CDCP1: variants seen among roughly 807,000 people sequenced by gnomAD.
CDCP1 encodes CUB domain-containing protein 1.
In CDCP1, 29 loss-of-function variants were observed where a neutral mutation model predicts 60.2. That is an observed-to-expected ratio of 0.48 (90% CI 0.36 to 0.66). The LOEUF is 0.66. Among genes scored for constraint, CDCP1 ranks in the 30% least tolerant of loss-of-function variants. The pLI is 0.00. For synonymous variants in CDCP1, 387 were observed against 431.1 expected, an observed-to-expected ratio of 0.90 and a Z score of 1.27; for missense variants, 876 against 1,074.3, an observed-to-expected ratio of 0.82 and a Z score of 2.58.
At chr3:45,126,401 G>A (rs1170549487) in intron 1 of CDCP1, among the ~76,000 whole-genome samples, 1 of 152,004 alleles carries the variant, frequency 6.6e-6, no homozygotes, top group African/African-American at 2.4e-5. Flanking sequence ...TGCTGTGGGA[G>A]GGGTGGGGGT....
At chr3:45,134,157 T>G (rs1426006890) in intron 1 of CDCP1, among the ~76,000 whole-genome samples, 1 of 151,918 alleles carries the variant, frequency 6.6e-6, no homozygotes, top group Non-Finnish European at 1.5e-5. Flanking sequence ...TCTTTTTTTT[T>G]TTTTGAGATG....
intron 2 of CDCP1, among the ~76,000 whole-genome samples, 164 bp from the exon 3 acceptor site, chr3:45,112,609 C>T (rs1698718991): frequency 6.6e-6 from 1 of 152,238 alleles, no homozygotes; most frequent in African/African-American, 2.4e-5. Flanking sequence ...GTCTTAGTGG[C>T]CAATGGCTCA....
intron 8 of CDCP1, among the ~76,000 whole-genome samples, chr3:45,087,510 G>A (rs1698215446): frequency 6.6e-6 from 1 of 152,184 alleles, no homozygotes; most frequent in South Asian, 2.1e-4. Context: ...GCTATTCCGT[G>A]CACCGCAGAT....
intron 5 of CDCP1, among the ~76,000 whole-genome samples, chr3:45,094,810 A>G (rs147544768): frequency 6.6e-6 from 1 of 152,202 alleles, no homozygotes; most frequent in Non-Finnish European, 1.5e-5. Context: ...AGAGAGACAT[A>G]AGCCTGAACA....
In CDCP1 at chr3:45,085,659, C is replaced by T. The variant is rs1424559972; in HGVS notation, c.2490G>A (p.Glu830=). The T allele has an allele frequency of 1.9e-6, 3 of 1,613,538 alleles. No homozygotes were observed. The highest frequency in any genetic ancestry group is 3.3e-5 in the Admixed American group (2 of 59,990). The part of the protein sequence containing the change: ...DTDIPLLNTQ[E]PMEPAE Reference sequence around the variant, plus strand: ...CAAGTTATTCTGCTGGCTCCATGGGCTCCTGAGTGTTCAGTAAGGGAATGT... The same window carrying T: ...CAAGTTATTCTGCTGGCTCCATGGGTTCCTGAGTGTTCAGTAAGGGAATGT... The change falls in exon 9 of 9, where the codon GAG becomes GAA. Residue 830 remains glutamate (E), a synonymous_variant. Transcript: ENST00000296129. The surrounding 1 kb of genome is among the most constrained non-coding windows in gnomAD (Gnocchi z 4.2).
chr3:45,115,306 A>G (rs1029046392), intron 2 of CDCP1, among the ~76,000 whole-genome samples: 1 of 152,172 alleles, frequency 6.6e-6, no homozygotes, highest in African/African-American at 2.4e-5. Context: ...GCCATCCCCT[A>G]TAGAGTAGTA....
At position 45,112,138 on chromosome 3, in the gene CDCP1, C is replaced by T; in HGVS notation, c.600G>A (p.Trp200Ter). Residue 200 changes from tryptophan to a stop codon, truncating the protein, a stop_gained, in exon 3 of 9, where the codon TGG (tryptophan) becomes TGA (stop). Transcript: ENST00000296129. LOFTEE classifies it high-confidence loss of function. ...EGVKMALHLP[W>*]FHPRNVSGFS... ...AGCCGGAGACATTTCTGGGGTGGAA[C>T]CATGGGAGGTGTAAGGCCATTTTCA... The T allele has an allele frequency of 1.2e-6, 2 of 1,614,144 alleles. No individual in the cohort carries two copies. The highest frequency in any genetic ancestry group is 1.7e-6 in the Non-Finnish European group (2 of 1,180,028).
chr3:45,138,379 C>T (rs1699225073), intron 1 of CDCP1, among the ~76,000 whole-genome samples: 1 of 152,184 alleles, frequency 6.6e-6, no homozygotes, highest in African/African-American at 2.4e-5. Context: ...ATCTTACTGT[C>T]TCCCACTAGA....
At chr3:45,089,386 T>G (rs1204632511) in intron 7 of CDCP1, among the ~76,000 whole-genome samples, 2 of 152,228 alleles carry the variant, frequency 1.3e-5, no homozygotes, top group South Asian at 4.1e-4. Context: ...GATGTCAGCT[T>G]GCACTTTCTC....
chr3:45,142,048 G>A (rs1410947408), intron 1 of CDCP1, among the ~76,000 whole-genome samples: 1 of 152,122 alleles, frequency 6.6e-6, no homozygotes, highest in African/African-American at 2.4e-5. Context: ...GGCCGGGCTG[G>A]TCTTGAACTC....
chr3:45,118,411 C>A lies in CDCP1; in HGVS notation c.292+1G>T. 1 of 1,608,772 alleles carries A rather than the reference C, an allele frequency of 6.2e-7. No individual in the cohort carries two copies. Among genetic ancestry groups the A allele is most frequent in the Non-Finnish European group, 8.5e-7 (1 of 1,175,162 alleles). On this transcript the variant is annotated splice_donor_variant, in intron 2 of 8. Coordinates refer to ENST00000296129, the MANE Select transcript of CDCP1 (RefSeq NM_022842.5). LOFTEE classifies it high-confidence loss of function. ...CAAACAGCTCACAAGTGTCTACTTACCAATATTTTTCTGGATCTCTATGAC... is the reference window on the plus strand; with the variant it reads ...CAAACAGCTCACAAGTGTCTACTTAACAATATTTTTCTGGATCTCTATGAC...
In CDCP1 at chr3:45,104,376, G is replaced by A. The variant is rs192462007; in HGVS notation, c.1024+6097C>T. On this transcript the variant is annotated intron_variant, in intron 4 of 8. Transcript: ENST00000296129. ...TCTCAAAATAACCTGAGGAACCTGAGGGGTAGACACAGTTAATTTCCCTGC... is the reference window on the plus strand; with the variant it reads ...TCTCAAAATAACCTGAGGAACCTGAAGGGTAGACACAGTTAATTTCCCTGC... 3.3e-5 allele frequency among the ~76,000 whole-genome samples: 5 copies of A among 152,320 alleles called. No individual in the cohort carries two copies. In the East Asian group the frequency reaches 7.7e-4, roughly 23 times the overall value.
At chr3:45,136,514 T>G (rs554154545) in intron 1 of CDCP1, among the ~76,000 whole-genome samples, 1 of 152,182 alleles carries the variant, frequency 6.6e-6, no homozygotes, top group East Asian at 1.9e-4. Flanking sequence ...AAATCAAATT[T>G]TCTAGGCCTG....
chr3:45,089,092 C>G lies in CDCP1; in HGVS notation c.2043G>C (p.Leu681=), dbSNP rs1283354281. The change falls in exon 8 of 9, where the codon CTG becomes CTC. Residue 681 remains leucine (L), a synonymous_variant. Coordinates refer to ENST00000296129, the MANE Select transcript of CDCP1 (RefSeq NM_022842.5). ...IAAVGGGVLL[L]SALGLIICCV... is the part of the protein sequence containing the mutation. ...AGCAAATGATGAGCCCGAGGGCAGA[C>G]AGCAGTAAGACTCCACCTCCCACCG... 8 of 1,614,028 alleles carry G rather than the reference C, an allele frequency of 5.0e-6. No individual in the cohort carries two copies. Among genetic ancestry groups the G allele is most frequent in the Admixed American group, 1.7e-5 (1 of 59,994 alleles).
chr3:45,109,018 C>T (rs532029043), intron 4 of CDCP1, among the ~76,000 whole-genome samples: 17 of 143,492 alleles, frequency 1.2e-4, no homozygotes, highest in Non-Finnish European at 1.5e-4. Context: ...GGCCCAATCT[C>T]GGTTCACTGC....
At chr3:45,134,819 G>A (rs1283851252) in intron 1 of CDCP1, among the ~76,000 whole-genome samples, 2 of 151,998 alleles carry the variant, frequency 1.3e-5, no homozygotes, top group Non-Finnish European at 2.9e-5. Flanking sequence ...TCCTCACCCA[G>A]AGGGCCCAGG....
At chr3:45,136,615 A>G (rs927122065) in intron 1 of CDCP1, among the ~76,000 whole-genome samples, 2 of 152,236 alleles carry the variant, frequency 1.3e-5, no homozygotes, top group Non-Finnish European at 2.9e-5. Context: ...CTCCAAGTCG[A>G]GAAGTCAGTT....
At chr3:45,144,054 C>T (rs1188065338) in intron 1 of CDCP1, among the ~76,000 whole-genome samples, 3 of 152,150 alleles carry the variant, frequency 2.0e-5, no homozygotes, top group African/African-American at 7.2e-5. Context: ...TCTTAGAAAG[C>T]AACCAAATGG....
chr3:45,089,226 G>T, intron 7 of CDCP1, 85 bp from the exon 8 acceptor site: 1 of 1,076,034 alleles, frequency 9.3e-7, no homozygotes, highest in South Asian at 1.3e-5. Context: ...AAAAGCAGCT[G>T]CCATCTCTCC....
Sources: allele counts gnomAD v4.1 joint callset (sites outside exome capture counted in the v4.1 genomes callset), GRCh38; gene constraint gnomAD v4.1.1; non-coding constraint Gnocchi (gnomAD v3.1); transcripts MANE v1.5; gene names NCBI Gene and HGNC (gene_info 2026-07-23, HGNC 2026-07-21).